Variants in TRPS1 observed in about 807,000 individuals in gnomAD.
TRPS1 encodes transcriptional repressor GATA binding 1.
In TRPS1, 6 loss-of-function variants were observed where a neutral mutation model predicts 101.2. That is an observed-to-expected ratio of 0.06 (90% CI 0.03 to 0.12). TRPS1 has a LOEUF of 0.12. Among genes scored for constraint, TRPS1 ranks in the 10% least tolerant of loss-of-function variants. The pLI is 1.00. For synonymous variants in TRPS1, 578 were observed against 589.8 expected (o/e 0.98, Z 0.29); for missense variants, 1,363 against 1,567.0 (o/e 0.87, Z 2.20).
At chr8:115,656,883 T>TA (rs1811688035) in intron 1 of TRPS1, among the ~76,000 whole-genome samples, 1 of 152,034 alleles carries the variant, frequency 6.6e-6, no homozygotes. Context: ...CCCGAAAAGA[T>TA]AAAGTACTTC....
intron 5 of TRPS1, among the ~76,000 whole-genome samples, chr8:115,535,287 TATATATAGCATATATATAGC>T (rs1816274005): frequency 2.0e-5 from 1 of 50,920 alleles, no homozygotes; most frequent in African/African-American, 4.5e-4. Flanking sequence ...ATATATAGCA[TATATATAGCATATATATAGC>T]ATATATAGCA....
chr8:115,512,483 C>A (rs1365589304), intron 5 of TRPS1, among the ~76,000 whole-genome samples: 1 of 151,356 alleles, frequency 6.6e-6, no homozygotes, highest in Non-Finnish European at 1.5e-5. Context: ...TATCATTCTT[C>A]CCTCTAAAAT....
Position 115,414,619 on chromosome 8 carries a change from CTGG to C in TRPS1, c.3286_3288del (p.Pro1096del). ...TACTGGTACTTTTCAATAGGGCTGC[CTGG>C]TGGTGAATAATTTGGGTGTTTCGCA... On this transcript the variant is annotated inframe_deletion, in exon 7 of 7. Coordinates refer to ENST00000395715, the MANE Select transcript of TRPS1 (RefSeq NM_014112.5). This position sits in a 1 kb window ranked among gnomAD's most constrained non-coding sequence, Gnocchi z 4.8. The C allele has an allele frequency of 6.2e-7, 1 of 1,613,958 alleles. No homozygotes were observed. Among genetic ancestry groups the C allele is most frequent in the South Asian group, 1.1e-5 (1 of 91,078 alleles).
chr8:115,537,067 G>A (rs1816341345), intron 5 of TRPS1, among the ~76,000 whole-genome samples: 1 of 151,902 alleles, frequency 6.6e-6, no homozygotes, highest in East Asian at 1.9e-4. Flanking sequence ...TTCTCTCCCT[G>A]TCTCTTCACT....
intron 5 of TRPS1, among the ~76,000 whole-genome samples, chr8:115,450,543 C>T (rs1317346055): frequency 6.6e-5 from 10 of 151,722 alleles, no homozygotes; most frequent in South Asian, 6.2e-4. Flanking sequence ...AAACTTTTAA[C>T]CCTGAACTGG....
At chr8:115,637,933 A>C (rs1157593705) in intron 1 of TRPS1, among the ~76,000 whole-genome samples, 1 of 152,124 alleles carries the variant, frequency 6.6e-6, no homozygotes. Flanking sequence ...TATAATTCTT[A>C]AGTTCTTATA....
intron 1 of TRPS1, among the ~76,000 whole-genome samples, chr8:115,625,521 A>C (rs913520355): frequency 6.6e-6 from 1 of 151,760 alleles, no homozygotes; most frequent in Admixed American, 6.6e-5. Flanking sequence ...CTTTGCCTCA[A>C]TTTCTCACTT....
rs575283393 is a variant in TRPS1, at chr8:115,620,812, T to C, written c.38-752A>G. On this transcript the variant is annotated intron_variant, in intron 2 of 6. Coordinates refer to ENST00000395715, the MANE Select transcript of TRPS1 (RefSeq NM_014112.5). ...TCACAGTGGTCAGATCAGGTTTTCCTAGGACTCTGTCCAGCATGCTGGGGA... is the reference window on the plus strand; with the variant it reads ...TCACAGTGGTCAGATCAGGTTTTCCCAGGACTCTGTCCAGCATGCTGGGGA... Among the ~76,000 whole-genome samples the C allele has an allele frequency of 1.2e-4, 19 of 152,312 alleles. 1 individual carries two copies. In the South Asian group the frequency reaches 3.7e-3, roughly 30 times the overall value.
chr8:115,410,652 A>G lies in TRPS1; in HGVS notation c.*3371T>C, dbSNP rs944341034. 1.3e-5 allele frequency: 2 copies of G among 152,642 alleles called. No individual in the cohort carries two copies. Among genetic ancestry groups the G allele is most frequent in the Non-Finnish European group, 2.9e-5 (2 of 67,990 alleles). The allele number at this position is 152,642 out of a possible 1,614,324, so 9.5% of individuals were successfully genotyped here. ...TGGGTTGGCTCTTTATGATTTTTCT[A>G]TCCCAAACAACAGAATGAATACAGA... On this transcript the variant is annotated 3_prime_UTR_variant, in exon 7 of 7. Coordinates refer to ENST00000395715, the MANE Select transcript of TRPS1 (RefSeq NM_014112.5).
intron 5 of TRPS1, among the ~76,000 whole-genome samples, chr8:115,438,814 T>G (rs1813519581): frequency 2.0e-5 from 3 of 152,156 alleles, no homozygotes; most frequent in Admixed American, 2.0e-4. Flanking sequence ...TTTCCATTTA[T>G]CATTTACAGA....
intron 5 of TRPS1, among the ~76,000 whole-genome samples, chr8:115,535,277 A>T (rs890955769): frequency 1.5e-5 from 2 of 136,382 alleles, no homozygotes; most frequent in African/African-American, 5.3e-5. Context: ...TATATATAGC[A>T]TATATAGCAT....
At chr8:115,515,141 G>A in intron 5 of TRPS1, 1 of 662,528 alleles carries the variant, frequency 1.5e-6, no homozygotes, top group Non-Finnish European at 2.7e-6. Context: ...ATAGCTAGAA[G>A]ACAAAGACAT....
rs78472570 is a variant in TRPS1, at chr8:115,587,216, G to C, written c.2485C>G (p.Pro829Ala). 396 of 1,614,216 alleles carry C rather than the reference G, an allele frequency of 2.5e-4. 2 individuals are homozygous for C. The East Asian group carries it at 6.7e-3, about 27-fold the overall frequency. Residue 829 changes from proline to alanine, a missense_variant, in exon 5 of 7, where the codon CCT (proline) becomes GCT (alanine). Pro to Ala is a conservative substitution (Grantham distance 27). Transcript: ENST00000395715. Reference protein sequence around the residue: ...YTQASLGLLTPVSGTQEQTKT... With the variant: ...YTQASLGLLTAVSGTQEQTKT... The stretch of plus-strand genomic sequence containing the variant: ...GTCTGCTCTTGGGTGCCAGACACAG[G>C]CGTCAGCAGCCCCAGGCTTGCTTGG...
intron 5 of TRPS1, among the ~76,000 whole-genome samples, chr8:115,561,240 T>G (rs1563604254): frequency 6.6e-6 from 1 of 152,222 alleles, no homozygotes; most frequent in East Asian, 1.9e-4. Context: ...TGTGCATGGC[T>G]TATCTTCCCT....
At chr8:115,533,467 A>G in intron 5 of TRPS1, among the ~76,000 whole-genome samples, 1 of 34,146 alleles carries the variant, frequency 2.9e-5, no homozygotes, top group Non-Finnish European at 5.5e-5. Context: ...TTTCCTGAAA[A>G]AAATCATGAG....
intron 5 of TRPS1, among the ~76,000 whole-genome samples, chr8:115,561,004 C>T (rs1290250873): frequency 6.6e-6 from 1 of 152,096 alleles, no homozygotes; most frequent in Non-Finnish European, 1.5e-5. Flanking sequence ...ACGAAAACCA[C>T]AGCTTTATTT....
intron 5 of TRPS1, among the ~76,000 whole-genome samples, chr8:115,478,590 G>A (rs1486097515): frequency 6.6e-6 from 1 of 151,996 alleles, no homozygotes; most frequent in Non-Finnish European, 1.5e-5. Flanking sequence ...GATCACTTGA[G>A]GTCAGGAGTT....
chr8:115,472,432 A>G (rs1190121935), intron 5 of TRPS1, among the ~76,000 whole-genome samples: 6 of 152,166 alleles, frequency 3.9e-5, no homozygotes, highest in Non-Finnish European at 8.8e-5. Context: ...CCAGCCCAGG[A>G]AACCATTTTT....
chr8:115,451,621 G>T (rs1813874863), intron 5 of TRPS1, among the ~76,000 whole-genome samples: 1 of 152,114 alleles, frequency 6.6e-6, no homozygotes, highest in South Asian at 2.1e-4. Flanking sequence ...AATCAATCAT[G>T]TATACATTAC....
Sources: allele counts gnomAD v4.1 joint callset (sites outside exome capture counted in the v4.1 genomes callset), GRCh38; gene constraint gnomAD v4.1.1; non-coding constraint Gnocchi (gnomAD v3.1); transcripts MANE v1.5; gene names NCBI Gene and HGNC (gene_info 2026-07-23, HGNC 2026-07-21).